PHF14: variants seen among roughly 807,000 people sequenced by gnomAD.
PHF14 encodes the protein PHD finger protein 14.
PHF14 carries 55 observed loss-of-function variants against 117.9 expected under a neutral mutation model. The observed-to-expected ratio is 0.47, with a 90% CI of 0.38 to 0.58. The LOEUF (loss-of-function observed/expected upper bound fraction) is 0.58. Among genes scored for constraint, PHF14 ranks in the 20% least tolerant of loss-of-function variants. The probability of loss-of-function intolerance (pLI) is 0.00; values close to 1 mark genes in which losing one functional copy is unlikely to be tolerated. For synonymous variants in PHF14, 409 were observed against 368.6 expected, an observed-to-expected ratio of 1.11 and a Z score of -1.26; for missense variants, 978 against 1,122.2, an observed-to-expected ratio of 0.87 and a Z score of 1.84.
At chr7:11,157,439 C>T (rs1026897826) in intron 17 of PHF14, among the ~76,000 whole-genome samples, 1 of 150,572 alleles carries the variant, frequency 6.6e-6, no homozygotes, top group South Asian at 2.1e-4. Context: ...TTTGTTTTGA[C>T]ATTTTATTCT....
At chr7:11,133,897 G>T (rs953847440) in intron 17 of PHF14, among the ~76,000 whole-genome samples, 1 of 152,024 alleles carries the variant, frequency 6.6e-6, no homozygotes, top group Admixed American at 6.6e-5. Flanking sequence ...AAATAATTTT[G>T]GAGTTTGAAC....
chr7:11,058,375 T>C (rs1018233807), intron 14 of PHF14, among the ~76,000 whole-genome samples: 2 of 152,312 alleles, frequency 1.3e-5, no homozygotes, highest in Admixed American at 6.5e-5. Flanking sequence ...TTCGTAGTTA[T>C]AGTTGCTGCC....
At chr7:11,005,030 A>G (rs527768048) in intron 4 of PHF14, among the ~76,000 whole-genome samples, 1 of 152,252 alleles carries the variant, frequency 6.6e-6, no homozygotes, top group Admixed American at 6.5e-5. Context: ...AAAAAAATGT[A>G]TAATGTCAAT....
At chr7:11,087,386 A>G (rs952860232) in intron 16 of PHF14, among the ~76,000 whole-genome samples, 1 of 151,912 alleles carries the variant, frequency 6.6e-6, no homozygotes. Flanking sequence ...GAGACGGGGT[A>G]TCACCATGTT....
Position 11,169,420 on chromosome 7 carries a change from A to G in PHF14, c.2777A>G (p.Asp926Gly), listed in dbSNP as rs191603302. 1.9e-3 allele frequency: 2,645 copies of G among 1,416,574 alleles called. 5 individuals are homozygous for G. The highest frequency in any genetic ancestry group is 2.4e-3 in the Non-Finnish European group (2,494 of 1,028,292). 87.8% of individuals were successfully genotyped at this position (1,416,574 alleles called of 1,614,324 possible). The stretch of plus-strand genomic sequence containing the variant: ...TTTCTAAAATTTATTTCACAGGAAG[A>G]TGAAAATGAAGCTGAAAGAAAAAAT... ...QECDSSSSKEDENEAERKNIS... is the reference protein window; with the variant it reads ...QECDSSSSKEGENEAERKNIS... The change falls in exon 18 of 18, where the codon GAT (aspartate) becomes GGT (glycine). Residue 926 changes from aspartate to glycine, a missense_variant. This residue lies in a region of PHF14 where 180 missense variants were observed against 195.4 expected (regional missense o/e 0.92). Coordinates refer to ENST00000634607, the MANE Select transcript of PHF14 (RefSeq NM_001007157.2).
intron 3 of PHF14, among the ~76,000 whole-genome samples, chr7:10,986,762 T>A (rs1782240528): frequency 6.6e-6 from 1 of 152,178 alleles, no homozygotes; most frequent in Non-Finnish European, 1.5e-5. Flanking sequence ...GGGACGGCAG[T>A]GTACTATTTT....
At chr7:11,121,715 G>A (rs929333478) in intron 17 of PHF14, among the ~76,000 whole-genome samples, 1 of 152,092 alleles carries the variant, frequency 6.6e-6, no homozygotes, top group African/African-American at 2.4e-5. Context: ...TAACGAGCAG[G>A]TAGCACATAC....
chr7:11,148,441 G>C (rs1025396734), intron 17 of PHF14, among the ~76,000 whole-genome samples: 10 of 152,240 alleles, frequency 6.6e-5, no homozygotes, highest in Admixed American at 5.9e-4. Context: ...GTACATGACT[G>C]TTTCCTTCAA....
intron 4 of PHF14, among the ~76,000 whole-genome samples, chr7:10,998,914 A>G (rs1782759441): frequency 6.6e-6 from 1 of 152,176 alleles, no homozygotes; most frequent in Admixed American, 6.5e-5. Flanking sequence ...GTCATTGACT[A>G]TGGATGTATT....
chr7:10,974,764 T>A, intron 1 of PHF14, 71 bp from the exon 2 acceptor site: 2 of 795,902 alleles, frequency 2.5e-6, no homozygotes, highest in Non-Finnish European at 4.1e-6. Flanking sequence ...CTTTATGTTC[T>A]CTTAGCACCA....
chr7:11,048,496 G>A (rs895081603), intron 13 of PHF14, among the ~76,000 whole-genome samples: 4 of 152,148 alleles, frequency 2.6e-5, no homozygotes, highest in African/African-American at 9.7e-5. Flanking sequence ...GCTTGAACCC[G>A]GGAGATGGAG....
chr7:11,103,716 T>C lies in PHF14; in HGVS notation c.2655-7634T>C, dbSNP rs190383931. The C allele has an allele frequency of 1.3e-3, 1,327 of 984,410 alleles. 1 individual carries two copies. The highest frequency in any genetic ancestry group is 1.5e-3 in the Non-Finnish European group (1,233 of 828,730). The allele number at this position is 984,410 out of a possible 1,614,324, so 61.0% of individuals were successfully genotyped here. A position where few individuals can be genotyped will look rare whatever the true frequency, so the allele number is the denominator to read the frequency against. On this transcript the variant is annotated intron_variant, in intron 16 of 17. Coordinates refer to ENST00000634607, the MANE Select transcript of PHF14 (RefSeq NM_001007157.2). ...TTTAGGAATAGAGTAGGTAATGTTATAGATAATCAAAAGCAATTGTAATTG... is the reference window on the plus strand; with the variant it reads ...TTTAGGAATAGAGTAGGTAATGTTACAGATAATCAAAAGCAATTGTAATTG...
At chr7:11,121,895 G>A (rs758739011) in intron 17 of PHF14, among the ~76,000 whole-genome samples, 7 of 151,470 alleles carry the variant, frequency 4.6e-5, no homozygotes, top group African/African-American at 1.2e-4. Flanking sequence ...TGTCCAGAAC[G>A]TACAGGTTTG....
intron 17 of PHF14, among the ~76,000 whole-genome samples, chr7:11,164,225 A>G (rs1294899258): frequency 2.0e-5 from 3 of 152,192 alleles, no homozygotes; most frequent in Non-Finnish European, 4.4e-5. Flanking sequence ...AACAAGTGAC[A>G]TCTTCTCTTT....
At position 10,974,207 on chromosome 7, in the gene PHF14, T is replaced by A; in HGVS notation, c.-117T>A. The A allele has an allele frequency of 1.1e-6, 1 of 913,440 alleles. No homozygotes were observed. Among genetic ancestry groups the A allele is most frequent in the Middle Eastern group, 2.1e-4 (1 of 4,740 alleles). The allele number at this position is 913,440 out of a possible 1,614,324, so 56.6% of individuals were successfully genotyped here. On this transcript the variant is annotated 5_prime_UTR_variant, in exon 1 of 18. Transcript: ENST00000634607. Reference sequence around the variant, plus strand: ...CCCTGTCCGGCTGGCTGCGCGCCGGTTTTAAATAGCATCTTTCGGACTTGT... The same window carrying A: ...CCCTGTCCGGCTGGCTGCGCGCCGGATTTAAATAGCATCTTTCGGACTTGT...
intron 2 of PHF14, among the ~76,000 whole-genome samples, chr7:10,975,670 T>C (rs1291761030): frequency 6.6e-6 from 1 of 152,208 alleles, no homozygotes; most frequent in Admixed American, 6.5e-5. Context: ...TTAAATGTTT[T>C]ATGGGAAAAA....
intron 3 of PHF14, among the ~76,000 whole-genome samples, chr7:10,985,519 A>G (rs1398912000): frequency 6.6e-6 from 1 of 151,030 alleles, no homozygotes; most frequent in African/African-American, 2.4e-5. Context: ...AGGGAACTTG[A>G]TATTTATTTT....
At chr7:11,042,087 C>T (rs554946447) in intron 12 of PHF14, among the ~76,000 whole-genome samples, 1 of 151,892 alleles carries the variant, frequency 6.6e-6, no homozygotes, top group South Asian at 2.1e-4. Context: ...ACAATCTTTG[C>T]AATAAATATC....
At chr7:11,107,627 A>G in intron 16 of PHF14, 1 of 725,170 alleles carries the variant, frequency 1.4e-6, no homozygotes, top group Non-Finnish European at 1.7e-6. Flanking sequence ...TTAGTTTTGT[A>G]TTCTTTTTTA....
Sources: allele counts gnomAD v4.1 joint callset (sites outside exome capture counted in the v4.1 genomes callset), GRCh38; gene constraint gnomAD v4.1.1; regional missense constraint gnomAD v4.1.1; transcripts MANE v1.5; gene names NCBI Gene and HGNC (gene_info 2026-07-23, HGNC 2026-07-21).